Variants in DLC1 observed in about 807,000 individuals in gnomAD.
The protein encoded by DLC1 is DLC1 Rho GTPase activating protein.
Under a neutral mutation model 140.3 loss-of-function variants are expected in DLC1, and 54 were observed. The observed-to-expected ratio is 0.38, with a 90% CI of 0.31 to 0.48. The LOEUF is 0.48. Ranked by LOEUF, DLC1 falls within the 20% of genes least tolerant of loss-of-function variation. The pLI is 0.96. For missense variants in DLC1, 2,536 were observed against 1,907.0 expected (o/e 1.33, Z -6.14); for synonymous variants, 986 against 728.1 (o/e 1.35, Z -5.70).
At chr8:13,210,204 A>C (rs1303161329) in intron 5 of DLC1, among the ~76,000 whole-genome samples, 1 of 152,204 alleles carries the variant, frequency 6.6e-6, no homozygotes, top group Admixed American at 6.5e-5. Flanking sequence ...TAAAATAGCT[A>C]ACAAAACACA....
chr8:13,120,844 A>C (rs918195738), intron 5 of DLC1, among the ~76,000 whole-genome samples: 5 of 152,130 alleles, frequency 3.3e-5, no homozygotes, highest in African/African-American at 9.7e-5. Flanking sequence ...TCCTGGCATG[A>C]CGGGATGATC....
intron 4 of DLC1, among the ~76,000 whole-genome samples, chr8:13,345,684 A>G (rs1386018776): frequency 4.0e-5 from 6 of 149,214 alleles, no homozygotes; most frequent in African/African-American, 1.5e-4. Flanking sequence ...CAGCCTCCCG[A>G]GTAGCTGGGA....
At chr8:13,300,105 A>G (rs1832129036) in intron 5 of DLC1, among the ~76,000 whole-genome samples, 1 of 152,222 alleles carries the variant, frequency 6.6e-6, no homozygotes, top group Non-Finnish European at 1.5e-5. Flanking sequence ...CGCAGCCAAA[A>G]AAAGGAAGGA....
chr8:13,285,904 G>A (rs182374958), intron 5 of DLC1, among the ~76,000 whole-genome samples: 23 of 152,258 alleles, frequency 1.5e-4, no homozygotes, highest in African/African-American at 4.3e-4. Flanking sequence ...CTTGCCAGAG[G>A]CTGGGAATGG....
intron 2 of DLC1, among the ~76,000 whole-genome samples, chr8:13,455,063 G>A (rs1563362370): frequency 6.6e-6 from 1 of 152,032 alleles, no homozygotes; most frequent in Non-Finnish European, 1.5e-5. Context: ...GATTTAATGA[G>A]TAAATAAATT....
intron 2 of DLC1, among the ~76,000 whole-genome samples, chr8:13,486,646 T>C (rs1223919440): frequency 6.6e-6 from 1 of 152,178 alleles, no homozygotes; most frequent in Non-Finnish European, 1.5e-5. Flanking sequence ...GGGTATTTAG[T>C]TTTTTCCAGC....
At chr8:13,601,597 A>G (rs1805885030) in intron 1 of DLC1, among the ~76,000 whole-genome samples, 1 of 151,542 alleles carries the variant, frequency 6.6e-6, no homozygotes, top group Non-Finnish European at 1.5e-5. Flanking sequence ...ATGAGATGGT[A>G]ACTTGGCTAA....
In DLC1 at chr8:13,492,138, C is replaced by T. The variant is rs983775172; in HGVS notation, c.1023+6911G>A. 6.6e-5 allele frequency among the ~76,000 whole-genome samples: 10 copies of T among 152,166 alleles called. 1 individual carries two copies. In the South Asian group the frequency reaches 2.1e-3, roughly 32 times the overall value. ...CTGAGAAAACTGGGGAAATTAAACA[C>T]CCCCAAAAAGTAAAACATTTGAGGA... On this transcript the variant is annotated intron_variant, in intron 2 of 17. Transcript: ENST00000276297.
At chr8:13,554,526 A>G (rs1294048944) in intron 1 of DLC1, among the ~76,000 whole-genome samples, 3 of 152,148 alleles carry the variant, frequency 2.0e-5, no homozygotes, top group Non-Finnish European at 4.4e-5. Context: ...TTTCCCTCCA[A>G]CTGTTTTTCT....
At chr8:13,102,180 C>T (rs1240674271) in intron 8 of DLC1, among the ~76,000 whole-genome samples, 1 of 152,178 alleles carries the variant, frequency 6.6e-6, no homozygotes, top group African/African-American at 2.4e-5. Context: ...GACACTTACT[C>T]CCAGTACTAC....
Position 13,214,622 on chromosome 8 carries a change from C to T in DLC1, c.1348+90647G>A, listed in dbSNP as rs12334371. 1.7e-3 allele frequency: 1,313 copies of T among 778,690 alleles called. 12 individuals are homozygous for T. The African/African-American group carries it at 0.021, about 12-fold the overall frequency. 48.2% of individuals were successfully genotyped at this position (778,690 alleles called of 1,614,324 possible). On this transcript the variant is annotated intron_variant, in intron 5 of 17. Coordinates refer to ENST00000276297, the MANE Select transcript of DLC1 (RefSeq NM_182643.3). ...GTGCAGTGTTCTGCCAGGCACACAC[C>T]GGCCTAGGTGATGTTTTCTTCTCCA... is the stretch of plus-strand genomic sequence containing the variant.
At position 13,350,902 on chromosome 8, in the gene DLC1, G is replaced by C. The variant is rs151247897; in HGVS notation, c.1314+42651C>G. 3.9e-3 allele frequency among the ~76,000 whole-genome samples: 586 copies of C among 152,134 alleles called. 10 individuals carry two copies. Among genetic ancestry groups the C allele is most frequent in the African/African-American group, 0.013 (549 of 41,508 alleles). On this transcript the variant is annotated intron_variant, in intron 4 of 17. Coordinates refer to ENST00000276297, the MANE Select transcript of DLC1 (RefSeq NM_182643.3). ...ATAATACTCATTCTTTTGAGATCTT[G>C]TTTTGAAATATTTGTCCTTTTGAAT... is the stretch of plus-strand genomic sequence containing the variant.
intron 2 of DLC1, among the ~76,000 whole-genome samples, chr8:13,440,088 G>A (rs1395967343): frequency 6.6e-6 from 1 of 152,142 alleles, no homozygotes; most frequent in Non-Finnish European, 1.5e-5. Flanking sequence ...GGAAATACTA[G>A]TTTCTTTACT....
chr8:13,458,107 A>G (rs1037859255), intron 2 of DLC1, among the ~76,000 whole-genome samples: 1 of 152,216 alleles, frequency 6.6e-6, no homozygotes, highest in Non-Finnish European at 1.5e-5. Flanking sequence ...AATCCATTTT[A>G]TAAAAGAAAG....
At chr8:13,178,290 C>T (rs1001909574) in intron 5 of DLC1, among the ~76,000 whole-genome samples, 3 of 152,088 alleles carry the variant, frequency 2.0e-5, no homozygotes, top group Non-Finnish European at 2.9e-5. Flanking sequence ...AGGCCGGGCG[C>T]GGTGGCTCAC....
intron 4 of DLC1, among the ~76,000 whole-genome samples, chr8:13,347,606 A>G (rs1729123): frequency 0.97 from 147,361 of 152,268 alleles, 71,507 homozygotes; most frequent in Middle Eastern, 1. Context: ...GCACCAGAAG[A>G]TGGAGTTGAA....
At chr8:13,275,327 A>G (rs1831116193) in intron 5 of DLC1, among the ~76,000 whole-genome samples, 1 of 152,254 alleles carries the variant, frequency 6.6e-6, no homozygotes, top group Non-Finnish European at 1.5e-5. Flanking sequence ...AGAACACAGC[A>G]CAGAACTCTG....
At chr8:13,589,609 G>A (rs1805449034) in intron 1 of DLC1, among the ~76,000 whole-genome samples, 1 of 150,746 alleles carries the variant, frequency 6.6e-6, no homozygotes, top group Admixed American at 6.6e-5. Context: ...GTTTTTTCAT[G>A]TTGCTTAGCT....
intron 5 of DLC1, among the ~76,000 whole-genome samples, chr8:13,155,150 G>C (rs1298319504): frequency 1.4e-5 from 2 of 147,940 alleles, no homozygotes; most frequent in Non-Finnish European, 3.0e-5. Context: ...TTTTTTTAAA[G>C]CGAATGTCTC....
Sources: allele counts gnomAD v4.1 joint callset (sites outside exome capture counted in the v4.1 genomes callset), GRCh38; gene constraint gnomAD v4.1.1; transcripts MANE v1.5; gene names NCBI Gene and HGNC (gene_info 2026-07-23, HGNC 2026-07-21).